ARB2A: variants seen among roughly 807,000 people sequenced by gnomAD.
ARB2A encodes ARB2 cotranscriptional regulator A, also known as cotranscriptional regulator ARB2A.
the ARB2A span, among the ~76,000 whole-genome samples, chr5:93,841,235 C>T: frequency 6.6e-6 from 1 of 152,084 alleles, no homozygotes; most frequent in Non-Finnish European, 1.5e-5. Context: ...CGGATTCAAC[C>T]AACCAATGAT....
the ARB2A span, among the ~76,000 whole-genome samples, chr5:94,098,467 T>C: frequency 6.6e-6 from 1 of 152,202 alleles, no homozygotes; most frequent in African/African-American, 2.4e-5. Context: ...CCAGAATCAC[T>C]GGGACATGGC....
the ARB2A span, among the ~76,000 whole-genome samples, chr5:94,010,832 G>T: frequency 1.3e-5 from 2 of 151,744 alleles, no homozygotes; most frequent in Non-Finnish European, 2.9e-5. Context: ...ACAACTAAAG[G>T]CACAAAAGGA....
the ARB2A span, among the ~76,000 whole-genome samples, chr5:93,753,129 A>G: frequency 7.9e-5 from 12 of 152,210 alleles, no homozygotes; most frequent in African/African-American, 2.9e-4. Flanking sequence ...AAGGCAAAGT[A>G]TAGATTTTCA....
At chr5:93,798,983 T>C in the ARB2A span, among the ~76,000 whole-genome samples, 10 of 152,122 alleles carry the variant, frequency 6.6e-5, no homozygotes, top group Non-Finnish European at 7.4e-5. Flanking sequence ...TCTGATCAAT[T>C]TGGCAGGTCA....
the ARB2A span, among the ~76,000 whole-genome samples, chr5:93,911,662 A>AT: frequency 6.6e-6 from 1 of 151,630 alleles, no homozygotes; most frequent in African/African-American, 2.4e-5. Flanking sequence ...ACATACACAC[A>AT]AACACATTTC....
chr5:94,105,760 T>C, the ARB2A span, among the ~76,000 whole-genome samples: 1 of 143,254 alleles, frequency 7.0e-6, no homozygotes, highest in Admixed American at 6.9e-5. Flanking sequence ...CAAAACAGCA[T>C]GGTACTGGAA....
chr5:93,792,014 G>A, the ARB2A span, among the ~76,000 whole-genome samples: 15 of 152,168 alleles, frequency 9.9e-5, no homozygotes, highest in African/African-American at 3.6e-4. Flanking sequence ...TACAAAATAC[G>A]TGATGTGGTT....
the ARB2A span, among the ~76,000 whole-genome samples, chr5:93,662,671 C>A: frequency 6.6e-6 from 1 of 152,172 alleles, no homozygotes; most frequent in Non-Finnish European, 1.5e-5. Context: ...GGAGCACTGA[C>A]AGGACAACCC....
At chr5:93,945,163 C>T in the ARB2A span, among the ~76,000 whole-genome samples, 1 of 152,142 alleles carries the variant, frequency 6.6e-6, no homozygotes, top group East Asian at 1.9e-4. Flanking sequence ...AATCTATAGG[C>T]CACGTGTGGC....
chr5:93,732,281 G>A, the ARB2A span, among the ~76,000 whole-genome samples: 1 of 152,110 alleles, frequency 6.6e-6, no homozygotes, highest in Admixed American at 6.5e-5. Context: ...TTCCAACTTA[G>A]AAATCCATAG....
At chr5:93,946,936 T>C in the ARB2A span, among the ~76,000 whole-genome samples, 1 of 152,224 alleles carries the variant, frequency 6.6e-6, no homozygotes, top group Non-Finnish European at 1.5e-5. Context: ...CTGTTGCTTC[T>C]TTGAAACATC....
At chr5:93,709,649 A>C in the ARB2A span, among the ~76,000 whole-genome samples, 23 of 150,020 alleles carry the variant, frequency 1.5e-4, no homozygotes, top group East Asian at 7.7e-4. Flanking sequence ...AAAAAAAAAA[A>C]AAAAAAAACC....
At chr5:93,918,364 A>T in the ARB2A span, among the ~76,000 whole-genome samples, 1 of 152,070 alleles carries the variant, frequency 6.6e-6, no homozygotes, top group Non-Finnish European at 1.5e-5. Context: ...GGACATGAAG[A>T]AGTAACTTAA....
chr5:93,729,468 C>T, the ARB2A span, among the ~76,000 whole-genome samples: 1 of 152,000 alleles, frequency 6.6e-6, no homozygotes, highest in Non-Finnish European at 1.5e-5. Flanking sequence ...TGGTTTGGGA[C>T]CACAGCAAGG....
At chr5:93,967,876 A>G in the ARB2A span, among the ~76,000 whole-genome samples, 1 of 152,050 alleles carries the variant, frequency 6.6e-6, no homozygotes, top group Admixed American at 6.6e-5. Context: ...CTCCCCATCT[A>G]CCCTAAGTTA....
chr5:93,928,421 T>C, the ARB2A span, among the ~76,000 whole-genome samples: 5 of 152,178 alleles, frequency 3.3e-5, no homozygotes, highest in Non-Finnish European at 5.9e-5. Flanking sequence ...CCTTAAAATA[T>C]GGTAGCCTAA....
chr5:93,718,878 A>G, the ARB2A span, among the ~76,000 whole-genome samples: 2 of 151,918 alleles, frequency 1.3e-5, no homozygotes, highest in African/African-American at 2.4e-5. Flanking sequence ...ACCTCTTTCT[A>G]TTTCACTGGA....
chr5:93,740,456 T>G, the ARB2A span: 2 of 1,128,734 alleles, frequency 1.8e-6, no homozygotes, highest in East Asian at 4.9e-5. Context: ...ATCCTTAACT[T>G]CTTTAGACAG....
chr5:93,667,211 T>C, the ARB2A span, among the ~76,000 whole-genome samples: 2 of 152,328 alleles, frequency 1.3e-5, no homozygotes, highest in East Asian at 3.9e-4. Context: ...CCTTTCTTCT[T>C]ACATCATCCT....
Sources: gnomAD v4.1 joint callset for allele counts (sites outside exome capture counted in the v4.1 genomes callset) on GRCh38, gnomAD v4.1.1 for gene constraint, MANE v1.5 for transcripts, NCBI Gene and HGNC (gene_info 2026-07-23, HGNC 2026-07-21) for gene names.